Variants in NCK2 observed in about 807,000 individuals in gnomAD.
The protein encoded by NCK2 is NCK adaptor protein 2.
A neutral mutation model predicts 33.9 loss-of-function variants in NCK2; 16 were observed. That is an observed-to-expected ratio of 0.47 (90% CI 0.32 to 0.72). The LOEUF (loss-of-function observed/expected upper bound fraction) is 0.72, where lower values mean the gene tolerates loss of function less well. Among genes scored for constraint, NCK2 ranks in the 30% least tolerant of loss-of-function variants. The pLI, the probability that NCK2 is intolerant of heterozygous loss-of-function variation, is 0.03. For missense variants in NCK2, 418 were observed against 537.3 expected (o/e 0.78, Z 2.19); for synonymous variants, 273 against 239.9 (o/e 1.14, Z -1.27).
At chr2:105,757,706 A>G (rs1689637656) in intron 1 of NCK2, among the ~76,000 whole-genome samples, 1 of 152,242 alleles carries the variant, frequency 6.6e-6, no homozygotes, top group Admixed American at 6.5e-5. Flanking sequence ...ATCTTAATTA[A>G]CAAGTATGGA....
intron 1 of NCK2, among the ~76,000 whole-genome samples, chr2:105,756,954 C>T (rs1322485926): frequency 2.0e-5 from 3 of 152,078 alleles, no homozygotes; most frequent in Non-Finnish European, 4.4e-5. Context: ...TACAGGCATA[C>T]ACCACCATGC....
At chr2:105,822,419 C>A (rs1346734932) in intron 2 of NCK2, among the ~76,000 whole-genome samples, 1 of 151,978 alleles carries the variant, frequency 6.6e-6, no homozygotes, top group African/African-American at 2.4e-5. Context: ...CTGTACAGGC[C>A]AGGGGACTTT....
chr2:105,835,408 T>TATAC, intron 2 of NCK2, among the ~76,000 whole-genome samples: 1 of 41,274 alleles, frequency 2.4e-5, no homozygotes, highest in South Asian at 1.1e-3. Context: ...TATATATACG[T>TATAC]GTATATATAT....
At chr2:105,808,197 C>T (rs77630970) in intron 1 of NCK2, among the ~76,000 whole-genome samples, 4,208 of 152,262 alleles carry the variant, frequency 0.028, 80 homozygotes, top group African/African-American at 0.04. Context: ...TGTGCCTGGC[C>T]TCTTTCTTTG....
chr2:105,858,795 A>G (rs1324939835), intron 3 of NCK2, among the ~76,000 whole-genome samples: 1 of 152,242 alleles, frequency 6.6e-6, no homozygotes, highest in Admixed American at 6.5e-5. Flanking sequence ...CTCTCTCATG[A>G]AAGTATTTAC....
intron 1 of NCK2, among the ~76,000 whole-genome samples, chr2:105,797,799 T>G (rs1691139218): frequency 6.6e-6 from 1 of 152,218 alleles, no homozygotes. Flanking sequence ...AGAAACAAGA[T>G]GCTTCTAGAA....
intron 1 of NCK2, among the ~76,000 whole-genome samples, chr2:105,762,298 G>T (rs1160063470): frequency 6.6e-6 from 1 of 152,184 alleles, no homozygotes; most frequent in Non-Finnish European, 1.5e-5. Flanking sequence ...TCAAACCAGG[G>T]GGGGTCTAGG....
intron 2 of NCK2, among the ~76,000 whole-genome samples, chr2:105,832,907 A>G (rs13026762): frequency 0.2 from 29,198 of 148,004 alleles, 3,493 homozygotes; most frequent in East Asian, 0.32. Flanking sequence ...TTTTTGGAAT[A>G]GTTTGAAAAG....
At chr2:105,854,916 T>C in intron 2 of NCK2, 132 bp from the exon 3 acceptor site, 1 of 649,032 alleles carries the variant, frequency 1.5e-6, no homozygotes, top group Non-Finnish European at 2.7e-6. Flanking sequence ...AAGTTGAGCA[T>C]TTCAAGACCC....
chr2:105,860,260 T>C (rs1330574712), intron 3 of NCK2, among the ~76,000 whole-genome samples: 1 of 152,154 alleles, frequency 6.6e-6, no homozygotes, highest in Non-Finnish European at 1.5e-5. Context: ...CACTCCAGCC[T>C]GGGCCACAGA....
At chr2:105,767,147 C>G (rs1220686919) in intron 1 of NCK2, among the ~76,000 whole-genome samples, 4 of 152,174 alleles carry the variant, frequency 2.6e-5, no homozygotes, top group Admixed American at 6.5e-5. Context: ...GAAGCCTGGA[C>G]CCCCGTCTGT....
chr2:105,883,128 C>A (rs1056754258), intron 4 of NCK2, among the ~76,000 whole-genome samples: 1 of 152,112 alleles, frequency 6.6e-6, no homozygotes, highest in Non-Finnish European at 1.5e-5. Flanking sequence ...TTTTGCGGAG[C>A]CTTACATGTG....
chr2:105,881,219 G>T, intron 3 of NCK2, 109 bp from the exon 4 acceptor site: 1 of 1,430,384 alleles, frequency 7.0e-7, no homozygotes. Flanking sequence ...TCCATGTGTC[G>T]TCCCCTTGTA....
chr2:105,835,402 T>TATATATATATATAC (rs1278239028), intron 2 of NCK2, among the ~76,000 whole-genome samples: 15 of 73,062 alleles, frequency 2.1e-4, no homozygotes, highest in South Asian at 1.2e-3. Context: ...TATATATATA[T>TATATATATATATAC]ATACGTGTAT....
chr2:105,801,797 T>C (rs534788339), intron 1 of NCK2, among the ~76,000 whole-genome samples: 1 of 152,184 alleles, frequency 6.6e-6, no homozygotes, highest in South Asian at 2.1e-4. Context: ...TTTCTGTGAG[T>C]GTGCACCAAA....
chr2:105,882,545 G>A (rs1678549651), intron 4 of NCK2, among the ~76,000 whole-genome samples: 1 of 152,160 alleles, frequency 6.6e-6, no homozygotes. Flanking sequence ...GCGCCACTGA[G>A]TTCATCTCTC....
At chr2:105,819,750 T>A (rs1239849701) in intron 2 of NCK2, among the ~76,000 whole-genome samples, 1 of 152,242 alleles carries the variant, frequency 6.6e-6, no homozygotes, top group African/African-American at 2.4e-5. Flanking sequence ...CATAAGTTTA[T>A]AAGTTCCACA....
intron 3 of NCK2, among the ~76,000 whole-genome samples, chr2:105,876,673 T>TA (rs920247711): frequency 2.6e-5 from 4 of 152,250 alleles, no homozygotes; most frequent in African/African-American, 9.6e-5. Flanking sequence ...AGAATCATGT[T>TA]ACCCTGTTAA....
intron 2 of NCK2, chr2:105,854,461 T>A (rs1018234391): frequency 1.3e-5 from 2 of 152,544 alleles, no homozygotes; most frequent in African/African-American, 4.8e-5. Flanking sequence ...GTGAATGCAG[T>A]AACATCTTAC....
Sources: allele counts gnomAD v4.1 joint callset (sites outside exome capture counted in the v4.1 genomes callset), GRCh38; gene constraint gnomAD v4.1.1; transcripts MANE v1.5; gene names NCBI Gene and HGNC (gene_info 2026-07-23, HGNC 2026-07-21).